The following ANK2 variants were observed in gnomAD, a reference collection of about 807,000 sequenced individuals.
ANK2 encodes ankyrin 2.
In ANK2, 83 loss-of-function variants were observed where a neutral mutation model predicts 360.5. The observed-to-expected ratio is 0.23, with a 90% CI of 0.19 to 0.28. The LOEUF (loss-of-function observed/expected upper bound fraction) is 0.28, where lower values mean the gene tolerates loss of function less well. Ranked by LOEUF, ANK2 falls within the 10% of genes least tolerant of loss-of-function variation. The pLI is 1.00. For missense variants in ANK2, 4,201 were observed against 4,795.7 expected (o/e 0.88, Z 3.66); for synonymous variants, 1,740 against 1,759.5 (o/e 0.99, Z 0.28).
In ANK2 at chr4:113,242,177, G is replaced by T. The variant is rs2153573794; in HGVS notation, c.859G>T (p.Asp287Tyr). The T allele has an allele frequency of 6.2e-7, 1 of 1,613,984 alleles. No individual in the cohort carries two copies. Among genetic ancestry groups the T allele is most frequent in the Admixed American group, 1.7e-5 (1 of 59,998 alleles). ...GNTNMVKLLL[D>Y]RGGQIDAKTR... ...TACAAACATGGTGAAGCTCTTACTGGATCGAGGCGGTCAGATCGATGCCAA... is the reference window on the plus strand; with the variant it reads ...TACAAACATGGTGAAGCTCTTACTGTATCGAGGCGGTCAGATCGATGCCAA... The change falls in exon 9 of 46, where the codon GAT (aspartate) becomes TAT (tyrosine). Residue 287 changes from aspartate (D) to tyrosine (Y), a missense_variant. Asp to Tyr is a radical substitution (Grantham distance 160, BLOSUM62 -3). Around this residue, in one of 4 missense-constraint regions of ANK2, gnomAD observed 122 missense variants for 239.3 expected, o/e 0.51. Transcript: ENST00000357077.
At chr4:113,155,657 A>G (rs1187332941) in intron 1 of ANK2, among the ~76,000 whole-genome samples, 1 of 152,196 alleles carries the variant, frequency 6.6e-6, no homozygotes, top group Non-Finnish European at 1.5e-5. Flanking sequence ...GTTGGAAAGC[A>G]TAAAAGCAAT....
At chr4:112,765,206 A>C in the ANK2 span, among the ~76,000 whole-genome samples, 2 of 152,230 alleles carry the variant, frequency 1.3e-5, no homozygotes, top group African/African-American at 2.4e-5. Flanking sequence ...ACAATTTCTT[A>C]ATATCATCTA....
At chr4:112,786,044 G>A in the ANK2 span, among the ~76,000 whole-genome samples, 1 of 151,910 alleles carries the variant, frequency 6.6e-6, no homozygotes, top group Non-Finnish European at 1.5e-5. Flanking sequence ...GTTTTGCCAC[G>A]TTGGCCAGGC....
chr4:112,931,439 T>C lies in ANK2; in HGVS notation c.21+26925T>C, dbSNP rs867205349. Among the ~76,000 whole-genome samples the C allele has an allele frequency of 7.4e-4, 106 of 142,794 alleles. No homozygotes were observed. In the South Asian group the frequency reaches 8.6e-3, roughly 12 times the overall value. 93.7% of individuals were successfully genotyped at this position (142,794 alleles called of 152,430 possible). On this transcript the variant is annotated intron_variant, in intron 2 of 30. Transcript: ENST00000503271. ...TCAAAGATTTCTTTCTTTTCTTTTT[T>C]TTTTTTTTTTTTTTTTTGGGACAGA...
intron 6 of ANK2, 97 bp from the exon 7 acceptor site, chr4:113,237,502 G>T: frequency 1.6e-6 from 2 of 1,238,966 alleles, no homozygotes; most frequent in Admixed American, 1.7e-5. Flanking sequence ...TTGCCATGTT[G>T]GAACAGTATA....
chr4:113,296,888 T>G (rs2071860865), intron 22 of ANK2, among the ~76,000 whole-genome samples: 1 of 152,204 alleles, frequency 6.6e-6, no homozygotes, highest in African/African-American at 2.4e-5. Context: ...TTGTATAATC[T>G]TAAAGTGATT....
At chr4:112,947,552 T>C (rs556394232) in intron 2 of ANK2, among the ~76,000 whole-genome samples, 17 of 152,176 alleles carry the variant, frequency 1.1e-4, no homozygotes, top group Admixed American at 6.5e-4. Context: ...ATATATAAAA[T>C]GAAAATAAGT....
At chr4:113,372,669 C>CTGA in intron 43 of ANK2, 2 of 1,360,620 alleles carry the variant, frequency 1.5e-6, no homozygotes, top group Non-Finnish European at 2.0e-6. Context: ...AGTCCTGTCC[C>CTGA]CATATTCTAA....
chr4:112,849,257 C>G (rs1234639335), intron 1 of ANK2, among the ~76,000 whole-genome samples: 2 of 151,982 alleles, frequency 1.3e-5, no homozygotes, highest in Non-Finnish European at 2.9e-5. Flanking sequence ...AGCTTAATAT[C>G]CACTCCCCTC....
intron 1 of ANK2, among the ~76,000 whole-genome samples, chr4:113,059,980 A>G (rs1028690448): frequency 1.3e-5 from 2 of 152,158 alleles, no homozygotes; most frequent in African/African-American, 4.8e-5. Context: ...TGACACAGCA[A>G]AGCAGAGTAC....
chr4:113,232,139 T>A, intron 4 of ANK2, 22 bp from the exon 5 acceptor site: 1 of 1,515,510 alleles, frequency 6.6e-7, no homozygotes, highest in Non-Finnish European at 9.2e-7. Context: ...TGAAGGTGTC[T>A]TTTTTTATTG....
intron 1 of ANK2, among the ~76,000 whole-genome samples, chr4:112,819,762 A>G (rs2056458580): frequency 1.3e-5 from 2 of 152,062 alleles, no homozygotes. Flanking sequence ...ACCCCACCCT[A>G]CTTTCTCCTC....
intron 1 of ANK2, among the ~76,000 whole-genome samples, chr4:113,108,311 A>C (rs555451863): frequency 3.3e-5 from 5 of 152,348 alleles, no homozygotes; most frequent in African/African-American, 1.2e-4. Flanking sequence ...CCCATAATTC[A>C]ATAGCAATAT....
intron 1 of ANK2, among the ~76,000 whole-genome samples, chr4:112,874,987 G>T (rs1285737346): frequency 6.6e-6 from 1 of 151,690 alleles, no homozygotes; most frequent in South Asian, 2.1e-4. Context: ...AGGCAAAAAT[G>T]CTTAGATGAA....
intron 1 of ANK2, among the ~76,000 whole-genome samples, chr4:113,165,686 T>G (rs2097726979): frequency 6.6e-6 from 1 of 152,134 alleles, no homozygotes; most frequent in African/African-American, 2.4e-5. Context: ...TATGATAGAC[T>G]CTTTGGGAAG....
intron 2 of ANK2, among the ~76,000 whole-genome samples, chr4:113,006,830 G>A (rs1007498256): frequency 4.6e-5 from 7 of 151,144 alleles, no homozygotes; most frequent in African/African-American, 1.7e-4. Flanking sequence ...CCTCATGGTG[G>A]GGCAATATAT....
chr4:112,984,007 T>C (rs2044020490), intron 2 of ANK2, among the ~76,000 whole-genome samples: 1 of 152,232 alleles, frequency 6.6e-6, no homozygotes. Flanking sequence ...GAAATAATAA[T>C]GATAATTTGA....
chr4:113,362,491 C>T (rs2096278898), intron 39 of ANK2, among the ~76,000 whole-genome samples: 1 of 152,060 alleles, frequency 6.6e-6, no homozygotes, highest in Non-Finnish European at 1.5e-5. Context: ...GCTGCCTAGG[C>T]CAGAGTGTAG....
At chr4:112,840,028 G>A (rs1472106127) in intron 1 of ANK2, among the ~76,000 whole-genome samples, 2 of 152,160 alleles carry the variant, frequency 1.3e-5, no homozygotes, top group African/African-American at 4.8e-5. Context: ...AATTTATTAA[G>A]CAATTACTAT....
Sources: gnomAD v4.1 joint callset for allele counts (sites outside exome capture counted in the v4.1 genomes callset) on GRCh38, gnomAD v4.1.1 for gene constraint, gnomAD v4.1.1 regional missense constraint, MANE v1.5 for transcripts, NCBI Gene and HGNC (gene_info 2026-07-23, HGNC 2026-07-21) for gene names.